CDC25A: variants seen among roughly 807,000 people sequenced by gnomAD.
CDC25A encodes M-phase inducer phosphatase 1.
In CDC25A, 17 loss-of-function variants were observed where a neutral mutation model predicts 64.6. That is an observed-to-expected ratio of 0.26 (90% CI 0.18 to 0.39). The LOEUF is 0.39. Among genes scored for constraint, CDC25A ranks in the 10% least tolerant of loss-of-function variants. The pLI is 1.00. For missense variants in CDC25A, 473 were observed against 654.8 expected (o/e 0.72, Z 3.03); for synonymous variants, 229 against 238.6 (o/e 0.96, Z 0.37).
chr3:48,165,921 A>C (rs1176426024), intron 10 of CDC25A, 28 bp from the exon 11 acceptor site: 1 of 1,403,730 alleles, frequency 7.1e-7, no homozygotes, highest in African/African-American at 1.4e-5. Flanking sequence ...ATACTTAGAG[A>C]ATCTGAAAGC....
intron 13 of CDC25A, among the ~76,000 whole-genome samples, chr3:48,162,004 T>C (rs981613700): frequency 6.6e-6 from 1 of 152,058 alleles, no homozygotes; most frequent in Non-Finnish European, 1.5e-5. Context: ...GAGGTTGCAG[T>C]GATCCGAGAT....
rs957633731 is a variant in CDC25A, at chr3:48,173,643, C to T, written c.930+641G>A. ...CACCCCACGGGGATGGAATGAACTT[C>T]CACTCCCTCCCAGCAATAATGAGAC... On this transcript the variant is annotated intron_variant, in intron 9 of 14. Coordinates refer to ENST00000302506, the MANE Select transcript of CDC25A (RefSeq NM_001789.3). Among the ~76,000 whole-genome samples the T allele has an allele frequency of 7.5e-4, 114 of 152,306 alleles. 1 individual carries two copies. Among genetic ancestry groups the T allele is most frequent in the African/African-American group, 2.5e-3 (104 of 41,574 alleles).
intron 9 of CDC25A, among the ~76,000 whole-genome samples, chr3:48,169,329 C>T (rs1016533343): frequency 3.9e-5 from 6 of 152,220 alleles, no homozygotes; most frequent in Non-Finnish European, 8.8e-5. Context: ...CAGCAATCAC[C>T]AATGGCTGCC....
At chr3:48,171,249 C>T (rs1156661712) in intron 9 of CDC25A, among the ~76,000 whole-genome samples, 1 of 151,804 alleles carries the variant, frequency 6.6e-6, no homozygotes, top group Non-Finnish European at 1.5e-5. Context: ...GCAGTGGGCA[C>T]CTGTAATCCC....
intron 9 of CDC25A, among the ~76,000 whole-genome samples, chr3:48,173,451 C>T (rs2032341255): frequency 6.6e-6 from 1 of 152,184 alleles, no homozygotes; most frequent in African/African-American, 2.4e-5. Context: ...GAGACAGCAA[C>T]ACAACAAGCC....
In CDC25A at chr3:48,164,369, A is replaced by G; in HGVS notation, c.1260T>C (p.Thr420=). The G allele has an allele frequency of 6.2e-7, 1 of 1,603,698 alleles. No homozygotes were observed. The highest frequency in any genetic ancestry group is 8.5e-7 in the Non-Finnish European group (1 of 1,176,342). ...DFLLKKPIVP[T]DGKRVIVVFH... is the part of the protein sequence containing the mutation. ...ACACAACAATGACACGCTTGCCATC[A>G]GTAGGTACAATGGGCTTCTTCAATA... Residue 420 remains threonine (T), a synonymous_variant, in exon 13 of 15, where the codon ACT becomes ACC. Transcript: ENST00000302506.
chr3:48,175,365 G>A (rs1201297302), intron 8 of CDC25A, among the ~76,000 whole-genome samples: 1 of 152,160 alleles, frequency 6.6e-6, no homozygotes, highest in Admixed American at 6.5e-5. Flanking sequence ...ACCAGTGGTA[G>A]CAAGAGTCAG....
At chr3:48,185,332 C>T (rs995425082) in intron 2 of CDC25A, among the ~76,000 whole-genome samples, 2 of 149,458 alleles carry the variant, frequency 1.3e-5, no homozygotes, top group Non-Finnish European at 3.0e-5. Flanking sequence ...GGGAGGTTCG[C>T]TTGAGCTCGG....
At chr3:48,182,235 C>A (rs1220414373) in intron 5 of CDC25A, among the ~76,000 whole-genome samples, 1 of 152,110 alleles carries the variant, frequency 6.6e-6, no homozygotes, top group Non-Finnish European at 1.5e-5. Context: ...GGGTTTCACA[C>A]TAAACCTGAA....
At chr3:48,178,133 AAT>A in intron 6 of CDC25A, 145 bp from the exon 7 acceptor site, 1 of 690,470 alleles carries the variant, frequency 1.4e-6, no homozygotes. Context: ...ATTATATGAA[AAT>A]GTATCCCAAG....
At chr3:48,169,152 A>T (rs1285980817) in intron 9 of CDC25A, among the ~76,000 whole-genome samples, 1 of 152,214 alleles carries the variant, frequency 6.6e-6, no homozygotes, top group Non-Finnish European at 1.5e-5. Flanking sequence ...GAAACTGGCA[A>T]ATAAAGAGAT....
chr3:48,180,669 T>C (rs202079033), intron 6 of CDC25A, 52 bp downstream of exon 6: 12 of 1,602,438 alleles, frequency 7.5e-6, no homozygotes, highest in Admixed American at 5.1e-5. Context: ...AAGAAGGTGT[T>C]TTAATCCTTT....
chr3:48,165,566 T>C (rs1456303262), intron 12 of CDC25A, 70 bp downstream of exon 12: 18 of 1,047,976 alleles, frequency 1.7e-5, no homozygotes, highest in African/African-American at 1.6e-5. Context: ...CAGGTGTCAC[T>C]GTCCTCCCCA....
rs775615532 is a variant in CDC25A, at chr3:48,185,035, C to A, written c.248-340G>T. On this transcript the variant is annotated intron_variant, in intron 2 of 14. Transcript: ENST00000302506. ...TGACCCAGATAACTTTCTGTGAGTTCCAACCATAGAAACAATAGGTACCAG... is the reference window on the plus strand; with the variant it reads ...TGACCCAGATAACTTTCTGTGAGTTACAACCATAGAAACAATAGGTACCAG... Among the ~76,000 whole-genome samples the A allele has an allele frequency of 1.4e-4, 22 of 152,264 alleles. No individual in the cohort carries two copies. The Middle Eastern group carries it at 0.017, about 118-fold the overall frequency.
At chr3:48,163,268 A>G (rs572660089) in intron 13 of CDC25A, among the ~76,000 whole-genome samples, 2 of 145,302 alleles carry the variant, frequency 1.4e-5, no homozygotes, top group South Asian at 4.5e-4. Flanking sequence ...GGGTGAAAAC[A>G]GTGTGCCTCC....
rs1276069306 is a variant in CDC25A, at chr3:48,163,476, T to C, written c.1322+831A>G. 2.7e-5 allele frequency among the ~76,000 whole-genome samples: 4 copies of C among 149,944 alleles called. No homozygotes were observed. The East Asian group carries it at 8.0e-4, about 30-fold the overall frequency. ...AAAATTAGCCGGGCGTGATGGCGCA[T>C]GCCTGTAATCCCAGCTACTTGGGAG... On this transcript the variant is annotated intron_variant, in intron 13 of 14. Transcript: ENST00000302506.
In CDC25A at chr3:48,177,881, C is replaced by T; in HGVS notation, c.657G>A (p.Val219=). The T allele has an allele frequency of 6.2e-7, 1 of 1,614,030 alleles. No individual in the cohort carries two copies. The highest frequency in any genetic ancestry group is 8.5e-7 in the Non-Finnish European group (1 of 1,179,996). ...ATLSDEDDGF[V]DLLDGENLKN... The stretch of plus-strand genomic sequence containing the variant: ...TCAGATTCTCTCCATCGAGAAGGTC[C>T]ACGAAGCCATCATCCTCATCAGACA... The change falls in exon 7 of 15, where the codon GTG becomes GTA. Residue 219 remains valine (V), a synonymous_variant. Coordinates refer to ENST00000302506, the MANE Select transcript of CDC25A (RefSeq NM_001789.3).
chr3:48,159,466 G>C lies in CDC25A; in HGVS notation c.1323-11C>G. On this transcript the variant is annotated splice_polypyrimidine_tract_variant and intron_variant, in intron 13 of 14. Coordinates refer to ENST00000302506, the MANE Select transcript of CDC25A (RefSeq NM_001789.3). ...CTCACATACCGGCACCTAGTCAGGG[G>C]AAGGAAGGCCAAAGCAGGGTTAGCT... 6.3e-7 allele frequency: 1 copy of C among 1,595,500 alleles called. No homozygotes were observed. Among genetic ancestry groups the C allele is most frequent in the African/African-American group, 1.3e-5 (1 of 74,640 alleles).
At chr3:48,162,226 AAATT>A (rs749124384) in intron 13 of CDC25A, among the ~76,000 whole-genome samples, 1 of 151,984 alleles carries the variant, frequency 6.6e-6, no homozygotes. Context: ...AAAATGTTAA[AAATT>A]AATAAAATCA....
Sources: allele counts gnomAD v4.1 joint callset (sites outside exome capture counted in the v4.1 genomes callset), GRCh38; gene constraint gnomAD v4.1.1; transcripts MANE v1.5; gene names NCBI Gene and HGNC (gene_info 2026-07-23, HGNC 2026-07-21).